The following ZBTB7C variants were observed in gnomAD, a reference collection of about 807,000 sequenced individuals.
ZBTB7C encodes the protein zinc finger and BTB domain containing 7C.
ZBTB7C carries 8 observed loss-of-function variants against 25.7 expected under a neutral mutation model. The observed-to-expected ratio is 0.31, with a 90% confidence interval of 0.18 to 0.56. ZBTB7C has a LOEUF of 0.56. Among genes scored for constraint, ZBTB7C ranks in the 20% least tolerant of loss-of-function variants. The pLI is 0.91. For missense variants in ZBTB7C, 824 were observed against 855.2 expected (o/e 0.96, Z 0.46); for synonymous variants, 394 against 369.0 (o/e 1.07, Z -0.78).
chr18:48,173,067 C>T (rs2041545632), intron 3 of ZBTB7C, among the ~76,000 whole-genome samples: 2 of 152,238 alleles, frequency 1.3e-5, no homozygotes, highest in Admixed American at 1.3e-4. Flanking sequence ...AGTTCTTGAA[C>T]ATGCCATCTT....
At chr18:48,353,900 C>G (rs75379723) in intron 1 of ZBTB7C, among the ~76,000 whole-genome samples, 1 of 152,156 alleles carries the variant, frequency 6.6e-6, no homozygotes, top group Non-Finnish European at 1.5e-5. Context: ...AAGGGCCATC[C>G]TGCATTTTCC....
At chr18:48,059,956 T>C (rs2037064196) in intron 3 of ZBTB7C, among the ~76,000 whole-genome samples, 1 of 152,116 alleles carries the variant, frequency 6.6e-6, no homozygotes, top group Non-Finnish European at 1.5e-5. Context: ...CTCCCACTCT[T>C]TTCCAGGCAG....
intron 3 of ZBTB7C, among the ~76,000 whole-genome samples, chr18:48,109,833 T>C (rs1214980724): frequency 6.6e-6 from 1 of 152,200 alleles, no homozygotes; most frequent in African/African-American, 2.4e-5. Flanking sequence ...GGTGCCTTCT[T>C]ATGCAGACAT....
chr18:48,132,330 T>C (rs1481983824), intron 3 of ZBTB7C, among the ~76,000 whole-genome samples: 1 of 152,208 alleles, frequency 6.6e-6, no homozygotes, highest in East Asian at 1.9e-4. Context: ...AAAGACCACA[T>C]ATTATCTGAT....
At chr18:48,412,354 G>T (rs769829709), upstream of ZBTB7C, among the ~76,000 whole-genome samples, 1 of 152,230 alleles carries the variant, frequency 6.6e-6, no homozygotes, top group Non-Finnish European at 1.5e-5. Context: ...TTCTAGATTA[G>T]AACTTACGGT....
At chr18:48,405,084 C>T (rs1448399727) in intron 1 of ZBTB7C, among the ~76,000 whole-genome samples, 5 of 152,220 alleles carry the variant, frequency 3.3e-5, no homozygotes, top group Non-Finnish European at 5.9e-5. Context: ...AGCTCAGTGC[C>T]TTGCCAGCTT....
chr18:48,386,573 T>G (rs532946459), intron 1 of ZBTB7C, among the ~76,000 whole-genome samples: 2 of 152,272 alleles, frequency 1.3e-5, no homozygotes, highest in African/African-American at 4.8e-5. Context: ...ATCCAGCCCA[T>G]AGAATAGCAG....
chr18:48,252,801 T>C (rs1247553590), intron 2 of ZBTB7C: 1 of 152,216 alleles, frequency 6.6e-6, no homozygotes, highest in Non-Finnish European at 1.5e-5. Context: ...TAAGCCAGAA[T>C]GCTGAAAGTG....
intron 3 of ZBTB7C, among the ~76,000 whole-genome samples, chr18:48,095,150 T>G (rs1045956302): frequency 6.6e-6 from 1 of 152,192 alleles, no homozygotes; most frequent in African/African-American, 2.4e-5. Context: ...CCAAATGACA[T>G]GCATCAGAAC....
chr18:48,254,877 G>A (rs906423438), intron 2 of ZBTB7C, among the ~76,000 whole-genome samples: 1 of 152,166 alleles, frequency 6.6e-6, no homozygotes, highest in Non-Finnish European at 1.5e-5. Context: ...ATCAGGCAAT[G>A]AACCTATTAT....
intron 1 of ZBTB7C, among the ~76,000 whole-genome samples, chr18:48,383,912 G>C (rs138654553): frequency 4.6e-5 from 7 of 152,122 alleles, no homozygotes; most frequent in Non-Finnish European, 1.0e-4. Flanking sequence ...ATGGAGCCTC[G>C]ACCTAAGCAT....
At chr18:48,113,354 A>T (rs2039314004) in intron 3 of ZBTB7C, among the ~76,000 whole-genome samples, 1 of 152,274 alleles carries the variant, frequency 6.6e-6, no homozygotes. Context: ...AGGAAAAACC[A>T]TCATGGTTAG....
chr18:48,322,022 T>A (rs2046107963), intron 2 of ZBTB7C, among the ~76,000 whole-genome samples: 3 of 152,192 alleles, frequency 2.0e-5, no homozygotes, highest in Admixed American at 1.3e-4. Flanking sequence ...AAACAGCTCC[T>A]TTGATTCACA....
intron 3 of ZBTB7C, among the ~76,000 whole-genome samples, chr18:48,171,616 G>A (rs1045917503): frequency 1.3e-5 from 2 of 152,250 alleles, no homozygotes; most frequent in Non-Finnish European, 2.9e-5. Flanking sequence ...CCCAGACAGA[G>A]GGCTCTCAGC....
intron 3 of ZBTB7C, chr18:48,087,920 C>G (rs1052223846): frequency 2.0e-5 from 3 of 151,516 alleles, no homozygotes; most frequent in African/African-American, 7.3e-5. Flanking sequence ...TCCATTTAAC[C>G]TCATTCTTTC....
chr18:48,345,015 T>C (rs1191981127), intron 1 of ZBTB7C, among the ~76,000 whole-genome samples: 1 of 152,226 alleles, frequency 6.6e-6, no homozygotes, highest in Non-Finnish European at 1.5e-5. Context: ...CAAACTGCCA[T>C]TGTTGCAAAG....
At chr18:48,081,849 C>T (rs1050952468) in intron 3 of ZBTB7C, among the ~76,000 whole-genome samples, 3 of 151,850 alleles carry the variant, frequency 2.0e-5, no homozygotes, top group African/African-American at 7.3e-5. Context: ...AAGATAGACA[C>T]TGGATTTTGA....
At chr18:48,357,117 T>G (rs2046993031) in intron 1 of ZBTB7C, among the ~76,000 whole-genome samples, 1 of 152,176 alleles carries the variant, frequency 6.6e-6, no homozygotes, top group Non-Finnish European at 1.5e-5. Flanking sequence ...CTAAGATTAA[T>G]CTATGAGATC....
intron 2 of ZBTB7C, among the ~76,000 whole-genome samples, chr18:48,228,373 G>A (rs912083234): frequency 1.3e-5 from 2 of 152,108 alleles, no homozygotes; most frequent in Non-Finnish European, 2.9e-5. Context: ...GCCTGCCTCT[G>A]GCCAGGAGGA....
Sources: allele counts gnomAD v4.1 joint callset (sites outside exome capture counted in the v4.1 genomes callset), GRCh38; gene constraint gnomAD v4.1.1; transcripts MANE v1.5; gene names NCBI Gene and HGNC (gene_info 2026-07-23, HGNC 2026-07-21).